The following PENK variants were observed in gnomAD, a reference collection of about 807,000 sequenced individuals.
The protein encoded by PENK is proenkephalin-A.
A neutral mutation model predicts 24.1 loss-of-function variants in PENK; 25 were observed. The ratio of observed to expected loss-of-function variants is 1.04; its 90% confidence interval spans 0.76 to 1.45. The LOEUF (loss-of-function observed/expected upper bound fraction) is 1.45. Ranked by LOEUF, PENK falls within the 40% of genes most tolerant of loss-of-function variation. PENK has a pLI of 0.00. For missense variants in PENK, 353 were observed against 337.9 expected, an observed-to-expected ratio of 1.04 and a Z score of -0.35; for synonymous variants, 135 against 130.3, an observed-to-expected ratio of 1.04 and a Z score of -0.24.
intron 3 of PENK, among the ~76,000 whole-genome samples, chr8:56,442,364 C>T (rs1389732725): frequency 2.0e-5 from 3 of 152,126 alleles, no homozygotes; most frequent in South Asian, 2.1e-4. Context: ...CCTCAAAATT[C>T]CTTTTATCTT....
chr8:56,444,987 A>G (rs923651061), intron 3 of PENK, among the ~76,000 whole-genome samples: 1 of 152,250 alleles, frequency 6.6e-6, no homozygotes, highest in Non-Finnish European at 1.5e-5. Flanking sequence ...TCGACAGCCC[A>G]TGGGGAACCA....
intron 3 of PENK, chr8:56,444,059 T>C: frequency 2.9e-6 from 2 of 693,870 alleles, no homozygotes; most frequent in Non-Finnish European, 2.6e-6. Context: ...GGGAGAGAAG[T>C]CAAGATTTGA....
chr8:56,441,030 C>A lies in PENK; in HGVS notation c.*242G>T. 4.9e-6 allele frequency: 2 copies of A among 405,238 alleles called. No homozygotes were observed. The highest frequency in any genetic ancestry group is 3.6e-5 in the East Asian group (1 of 27,670). 25.1% of individuals were successfully genotyped at this position (405,238 alleles called of 1,614,324 possible). On this transcript the variant is annotated 3_prime_UTR_variant, in exon 4 of 4. Transcript: ENST00000451791. The stretch of plus-strand genomic sequence containing the variant: ...ATTGATGTTTGTCAAAAATAAGAGA[C>A]AAGATAACAAAAACTATTTTAGCAT...
intron 3 of PENK, 36 bp downstream of exon 3, chr8:56,445,780 A>T (rs1287018197): frequency 6.2e-7 from 1 of 1,612,904 alleles, no homozygotes; most frequent in African/African-American, 1.3e-5. Flanking sequence ...ACTCTGTCTC[A>T]CAAGGTGCGC....
chr8:56,442,849 C>G (rs1169660747), intron 3 of PENK, among the ~76,000 whole-genome samples: 1 of 150,436 alleles, frequency 6.6e-6, no homozygotes, highest in Admixed American at 6.7e-5. Flanking sequence ...AATATAAAAT[C>G]ATTGTAAGTC....
In PENK at chr8:56,441,334, C is replaced by G. The variant is rs759815705; in HGVS notation, c.742G>C (p.Glu248Gln). Reference protein sequence around the residue: ...AEALPSDEEGESYSKEVPEME... With the variant: ...AEALPSDEEGQSYSKEVPEME... ...TCAGGAACTTCTTTGGAGTAACTTT[C>G]GCCTTCTTCGTCGGAGGGCAGAGCC... The change falls in exon 4 of 4, where the codon GAA becomes CAA. Residue 248 changes from glutamate to glutamine, a missense_variant. By Grantham distance (29) the Glu-to-Gln change is conservative. Transcript: ENST00000451791. 1.9e-6 allele frequency: 3 copies of G among 1,613,392 alleles called. No homozygotes were observed. The highest frequency in any genetic ancestry group is 3.3e-5 in the Admixed American group (2 of 59,716).
At chr8:56,443,785 C>T (rs1171748459) in intron 3 of PENK, 7 of 444,806 alleles carry the variant, frequency 1.6e-5, no homozygotes, top group Admixed American at 8.1e-5. Context: ...ACAATAACAA[C>T]CCTAAATGTA....
Position 56,445,964 on chromosome 8 carries a change from G to T in PENK, c.-3-8C>A. 2 of 1,594,070 alleles carry T rather than the reference G, an allele frequency of 1.3e-6. No individual in the cohort carries two copies. The highest frequency in any genetic ancestry group is 1.7e-6 in the Non-Finnish European group (2 of 1,168,578). ...CAGGAACCGCGCCATGGACTGCGAG[G>T]AGAGAGGGACGCGTGCTTCGAGCCT... is the stretch of plus-strand genomic sequence containing the variant. On this transcript the variant is annotated splice_polypyrimidine_tract_variant and splice_region_variant and intron_variant, in intron 2 of 3. Coordinates refer to ENST00000451791, the MANE Select transcript of PENK (RefSeq NM_001135690.3).
chr8:56,445,144 T>C (rs1375974697), intron 3 of PENK: 1 of 153,944 alleles, frequency 6.5e-6, no homozygotes, highest in Non-Finnish European at 1.4e-5. Flanking sequence ...TTGTTTTAGT[T>C]ACTATTACAA....
intron 2 of PENK, 88 bp from the exon 3 acceptor site, chr8:56,446,044 A>T: frequency 1.4e-6 from 2 of 1,411,554 alleles, no homozygotes; most frequent in Non-Finnish European, 1.9e-6. Context: ...CAGCCTCAGC[A>T]GGGGATCGTC....
At position 56,442,066 on chromosome 8, in the gene PENK, A is replaced by G. The variant is rs978818182; in HGVS notation, c.139-129T>C. 3.4e-5 allele frequency: 22 copies of G among 654,058 alleles called. No individual in the cohort carries two copies. The South Asian group carries it at 3.9e-4, about 12-fold the overall frequency. The allele number at this position is 654,058 out of a possible 1,614,324, so 40.5% of individuals were successfully genotyped here. ...CCTTATTATAATAAGGTCATCTCCA[A>G]TTTCTTATCACGACTTTTCATAAGG... On this transcript the variant is annotated intron_variant, in intron 3 of 3. Coordinates refer to ENST00000451791, the MANE Select transcript of PENK (RefSeq NM_001135690.3).
chr8:56,441,807 G>C lies in PENK; in HGVS notation c.269C>G (p.Pro90Arg). ...TTTGGCTAGCAAATGGCTTTCTTCC[G>C]GTTTGCTATTTTCTCTGAGGGTGCT... The part of the protein sequence containing the change: ...GTSTLRENSK[P>R]EESHLLAKRY... The change falls in exon 4 of 4, where the codon CCG becomes CGG. Residue 90 changes from proline (P) to arginine (R), a missense_variant. By Grantham distance (103) the Pro-to-Arg change is moderately radical. Coordinates refer to ENST00000451791, the MANE Select transcript of PENK (RefSeq NM_001135690.3). 1 of 1,613,986 alleles carries C rather than the reference G, an allele frequency of 6.2e-7. No individual in the cohort carries two copies. Among genetic ancestry groups the C allele is most frequent in the Non-Finnish European group, 8.5e-7 (1 of 1,179,998 alleles).
At chr8:56,445,435 A>C in intron 3 of PENK, 1 of 451,100 alleles carries the variant, frequency 2.2e-6, no homozygotes. Flanking sequence ...CTTAGCTGGG[A>C]TATGTTAGGA....
rs2128941148 is a variant in PENK, at chr8:56,441,720, G to A, written c.356C>T (p.Pro119Leu). The change falls in exon 4 of 4, where the codon CCC becomes CTC. Residue 119 changes from proline to leucine, a missense_variant. By Grantham distance (98) the Pro-to-Leu change is moderately conservative (BLOSUM62 -3). Coordinates refer to ENST00000451791, the MANE Select transcript of PENK (RefSeq NM_001135690.3). ...ATTGGCCTCTTCTTCTGGCTCCATG[G>A]GATAAAGCTCATCCATTTTCTTCAT... ...GFMKKMDELY[P>L]MEPEEEANGS... is the part of the protein sequence containing the mutation. The A allele has an allele frequency of 1.2e-6, 2 of 1,613,102 alleles. No homozygotes were observed. The highest frequency in any genetic ancestry group is 1.7e-6 in the Non-Finnish European group (2 of 1,179,758).
Position 56,441,755 on chromosome 8 carries a change from AT to A in PENK, c.320del (p.Tyr107LeufsTer5). The A allele has an allele frequency of 6.2e-7, 1 of 1,608,036 alleles. No homozygotes were observed. The highest frequency in any genetic ancestry group is 8.5e-7 in the Non-Finnish European group (1 of 1,179,500). Reference sequence around the variant, plus strand: ...CATCCATTTTCTTCATGAAGCCTCCATACCTTTTCATGAAGCCCCCATACCT... The same window carrying A: ...CATCCATTTTCTTCATGAAGCCTCCAACCTTTTCATGAAGCCCCCATACCT... ...AKRYGGFMKRYGGFMKKMDEL... is the reference protein window; with the variant it reads ...AKRYGGFMKRXGGFMKKMDEL... On this transcript the variant is annotated frameshift_variant, in exon 4 of 4. Transcript: ENST00000451791. LOFTEE classifies it high-confidence loss of function.
chr8:56,441,601 C>T lies in PENK; in HGVS notation c.475G>A (p.Glu159Lys), dbSNP rs770322157. The change falls in exon 4 of 4, where the codon GAG (glutamate) becomes AAG (lysine). Residue 159 changes from glutamate to lysine, a missense_variant. Coordinates refer to ENST00000451791, the MANE Select transcript of PENK (RefSeq NM_001135690.3). ...CGGTTGTCCCCTGTTTCCAGAAGCT[C>T]TTTTAGCAGGTCTGAGGAATTGGCC... ...SLANSSDLLK[E>K]LLETGDNRER... is the part of the protein sequence containing the mutation. 1.4e-5 allele frequency: 22 copies of T among 1,613,942 alleles called. 1 individual carries two copies. In the South Asian group the frequency reaches 2.2e-4, roughly 16 times the overall value.
chr8:56,446,048 G>A, intron 2 of PENK, 92 bp from the exon 3 acceptor site: 1 of 1,385,150 alleles, frequency 7.2e-7, no homozygotes, highest in Non-Finnish European at 9.7e-7. Flanking sequence ...CTCAGCAGGG[G>A]ATCGTCGAGC....
At chr8:56,442,205 T>A (rs1009121913) in intron 3 of PENK, among the ~76,000 whole-genome samples, 9 of 152,050 alleles carry the variant, frequency 5.9e-5, no homozygotes, top group African/African-American at 9.7e-5. Flanking sequence ...TTAAAGAATT[T>A]AAAAAAAAAT....
At chr8:56,442,502 TA>T (rs1291007144) in intron 3 of PENK, among the ~76,000 whole-genome samples, 1 of 152,104 alleles carries the variant, frequency 6.6e-6, no homozygotes, top group East Asian at 1.9e-4. Context: ...AACAACAATT[TA>T]AAAAAAGTTT....
Sources: gnomAD v4.1 joint callset for allele counts (sites outside exome capture counted in the v4.1 genomes callset) on GRCh38, gnomAD v4.1.1 for gene constraint, MANE v1.5 for transcripts, NCBI Gene and HGNC (gene_info 2026-07-23, HGNC 2026-07-21) for gene names.